Variants in PDE10A observed in about 807,000 individuals in gnomAD.
PDE10A encodes the protein phosphodiesterase 10A, also known as cAMP and cAMP-inhibited cGMP 3',5'-cyclic phosphodiesterase 10A.
A neutral mutation model predicts 97.7 loss-of-function variants in PDE10A; 39 were observed. The observed-to-expected ratio is 0.40, with a 90% CI of 0.31 to 0.52. The LOEUF (loss-of-function observed/expected upper bound fraction) is 0.52. Among genes scored for constraint, PDE10A ranks in the 20% least tolerant of loss-of-function variants. The pLI is 0.56. For missense variants in PDE10A, 731 were observed against 1,047.8 expected (o/e 0.70, Z 4.17); for synonymous variants, 371 against 376.8 (o/e 0.98, Z 0.18).
At chr6:165,880,895 T>G (rs1220441623) in intron 1 of PDE10A, among the ~76,000 whole-genome samples, 2 of 152,250 alleles carry the variant, frequency 1.3e-5, no homozygotes, top group East Asian at 3.8e-4. Flanking sequence ...GTTAAATCCA[T>G]GTGCATTTCG....
At chr6:165,350,238 C>T (rs187550635) in intron 18 of PDE10A, among the ~76,000 whole-genome samples, 11 of 152,240 alleles carry the variant, frequency 7.2e-5, no homozygotes, top group African/African-American at 1.7e-4. Flanking sequence ...TTCCGAAGGC[C>T]GTGGGAGCCC....
At chr6:165,345,685 T>A (rs1228149854) in intron 18 of PDE10A, among the ~76,000 whole-genome samples, 1 of 152,212 alleles carries the variant, frequency 6.6e-6, no homozygotes, top group East Asian at 1.9e-4. Context: ...ATAAAACGAT[T>A]CTTAATCACA....
At chr6:165,822,552 G>A (rs1336756066) in intron 1 of PDE10A, among the ~76,000 whole-genome samples, 1 of 152,004 alleles carries the variant, frequency 6.6e-6, no homozygotes, top group African/African-American at 2.4e-5. Context: ...TCAGGCAGTT[G>A]TAACACAATG....
At chr6:165,512,260 T>C (rs889385178) in intron 2 of PDE10A, among the ~76,000 whole-genome samples, 8 of 151,952 alleles carry the variant, frequency 5.3e-5, no homozygotes, top group Non-Finnish European at 1.0e-4. Flanking sequence ...GTTTAGGACT[T>C]CCTTGAACAT....
chr6:165,714,412 C>T (rs1013281130), intron 1 of PDE10A, among the ~76,000 whole-genome samples: 17 of 152,244 alleles, frequency 1.1e-4, no homozygotes, highest in Admixed American at 3.9e-4. Context: ...CATTTCCGTA[C>T]ATCAGAATGA....
intron 5 of PDE10A, among the ~76,000 whole-genome samples, chr6:165,438,922 T>C (rs118152603): frequency 0.033 from 4,885 of 149,340 alleles, 128 homozygotes; most frequent in Middle Eastern, 0.056. Context: ...TGTGCCACCG[T>C]ACTCCAGCTT....
At chr6:165,376,083 G>C (rs1415240028) in intron 18 of PDE10A, among the ~76,000 whole-genome samples, 1 of 152,158 alleles carries the variant, frequency 6.6e-6, no homozygotes, top group Non-Finnish European at 1.5e-5. Flanking sequence ...TGTCCTTCAA[G>C]TCCTATTATC....
chr6:165,788,148 T>C (rs954929576), intron 1 of PDE10A, among the ~76,000 whole-genome samples: 5 of 152,104 alleles, frequency 3.3e-5, no homozygotes, highest in African/African-American at 7.2e-5. Context: ...ATGCAACATG[T>C]ATAGCATATA....
chr6:165,936,554 C>A (rs300114), intron 1 of PDE10A, among the ~76,000 whole-genome samples: 13,712 of 152,184 alleles, frequency 0.09, 782 homozygotes, highest in African/African-American at 0.15. Context: ...GTGTCCCCAC[C>A]ACTGGCTGTG....
At chr6:165,357,377 A>T (rs974789556) in intron 18 of PDE10A, among the ~76,000 whole-genome samples, 10 of 152,124 alleles carry the variant, frequency 6.6e-5, no homozygotes, top group Admixed American at 6.6e-5. Context: ...GATGTTTTTG[A>T]CAGACTTTGG....
chr6:165,596,497 G>A (rs1411932266), intron 1 of PDE10A, among the ~76,000 whole-genome samples: 1 of 152,212 alleles, frequency 6.6e-6, no homozygotes, highest in African/African-American at 2.4e-5. Context: ...TGGTGGCTGA[G>A]GTGAGAGGAT....
At chr6:165,970,680 G>A (rs1004687184) in intron 1 of PDE10A, among the ~76,000 whole-genome samples, 58 of 152,196 alleles carry the variant, frequency 3.8e-4, no homozygotes, top group African/African-American at 1.3e-3. Context: ...AAACAGTACC[G>A]AATTAAACAA....
chr6:165,637,861 G>C (rs73024120), intron 1 of PDE10A, among the ~76,000 whole-genome samples: 508 of 152,290 alleles, frequency 3.3e-3, no homozygotes, highest in South Asian at 7.5e-3. Flanking sequence ...GCAAAATCTG[G>C]CTTGATTTTC....
chr6:165,347,825 G>A (rs914799285), intron 18 of PDE10A, among the ~76,000 whole-genome samples: 1 of 152,100 alleles, frequency 6.6e-6, no homozygotes, highest in African/African-American at 2.4e-5. Context: ...AAATGCTAAA[G>A]AAACTACATT....
chr6:165,865,517 C>A (rs1413422894), intron 1 of PDE10A, among the ~76,000 whole-genome samples: 1 of 151,818 alleles, frequency 6.6e-6, no homozygotes, highest in Non-Finnish European at 1.5e-5. Context: ...TAGTGAGATA[C>A]AAGAGAGCAC....
intron 1 of PDE10A, among the ~76,000 whole-genome samples, chr6:165,957,345 G>T (rs998297616): frequency 6.6e-6 from 1 of 152,118 alleles, no homozygotes; most frequent in African/African-American, 2.4e-5. Context: ...GTCAGACTTG[G>T]TGGCACATGT....
intron 1 of PDE10A, among the ~76,000 whole-genome samples, chr6:165,772,324 G>A (rs973340389): frequency 1.3e-5 from 2 of 152,132 alleles, no homozygotes; most frequent in Non-Finnish European, 2.9e-5. Flanking sequence ...CTATATGAGA[G>A]AGTAAAGCCC....
intron 1 of PDE10A, among the ~76,000 whole-genome samples, chr6:165,614,950 G>A (rs1286571402): frequency 2.6e-5 from 4 of 152,128 alleles, no homozygotes; most frequent in Non-Finnish European, 4.4e-5. Flanking sequence ...AGTGGCTCAC[G>A]CCTGTAATAC....
chr6:165,385,745 C>T (rs1785259468), intron 17 of PDE10A, among the ~76,000 whole-genome samples: 1 of 152,154 alleles, frequency 6.6e-6, no homozygotes, highest in Non-Finnish European at 1.5e-5. Flanking sequence ...GACACTCTTC[C>T]CTGAATGTTC....
Sources: gnomAD v4.1 joint callset for allele counts (sites outside exome capture counted in the v4.1 genomes callset) on GRCh38, gnomAD v4.1.1 for gene constraint, MANE v1.5 for transcripts, NCBI Gene and HGNC (gene_info 2026-07-23, HGNC 2026-07-21) for gene names.